ZIC1: variants seen among roughly 807,000 people sequenced by gnomAD.
The protein encoded by ZIC1 is zinc finger protein ZIC 1.
Under a neutral mutation model 30.9 loss-of-function variants are expected in ZIC1, and 4 were observed. The ratio of observed to expected loss-of-function variants is 0.13; its 90% CI spans 0.06 to 0.30. ZIC1 has a LOEUF of 0.30. ZIC1 is among the 10% of genes least tolerant of loss of function. The pLI, the probability that ZIC1 is intolerant of heterozygous loss-of-function variation, is 1.00. For missense variants in ZIC1, 441 were observed against 639.3 expected, an observed-to-expected ratio of 0.69 and a Z score of 3.34; for synonymous variants, 305 against 277.5, an observed-to-expected ratio of 1.10 and a Z score of -0.98.
chr3:147,411,432 C>G (rs1356018555), intron 1 of ZIC1, among the ~76,000 whole-genome samples: 2 of 152,170 alleles, frequency 1.3e-5, no homozygotes, highest in Non-Finnish European at 2.9e-5. Flanking sequence ...GCCGCGGAGG[C>G]GCCAGCTGCT....
chr3:147,411,495 C>A (rs1386953296), intron 1 of ZIC1, among the ~76,000 whole-genome samples: 1 of 152,132 alleles, frequency 6.6e-6, no homozygotes, highest in African/African-American at 2.4e-5. Context: ...TCTCTCCGTG[C>A]ACTTCACTGA....
In ZIC1 at chr3:147,413,508, G is replaced by T. The variant is rs1055075903; in HGVS notation, c.1301G>T (p.Gly434Val). 8 of 1,614,052 alleles carry T rather than the reference G, an allele frequency of 5.0e-6. No homozygotes were observed. The highest frequency in any genetic ancestry group is 5.9e-6 in the Non-Finnish European group (7 of 1,180,022). Residue 434 changes from glycine to valine, a missense_variant, in exon 3 of 3, where the codon GGC becomes GTC. Physicochemically the swap from Gly to Val is moderately radical, Grantham distance 109. Around this residue, in one of 5 missense-constraint regions of ZIC1, gnomAD observed 56 missense variants for 52.5 expected, o/e 1.07. Transcript: ENST00000282928. Reference sequence around the variant, plus strand: ...TCCTCCGCAGTCCACCACACAGCCGGCCACAGTGCGCTCTCTTCCAATTTT... The same window carrying T: ...TCCTCCGCAGTCCACCACACAGCCGTCCACAGTGCGCTCTCTTCCAATTTT... The part of the protein sequence containing the change: ...PSSSAVHHTA[G>V]HSALSSNFNE...
chr3:147,409,984 C>T lies in ZIC1; in HGVS notation c.-129C>T, dbSNP rs116328717. On this transcript the variant is annotated 5_prime_UTR_variant, in exon 1 of 3. Coordinates refer to ENST00000282928, the MANE Select transcript of ZIC1 (RefSeq NM_003412.4). ...AGGACTTCGCGAGGTGGGTCGACTC[C>T]CCCTCCCTCCTCCTCTTCTTCCTCC... 73,425 of 1,047,722 alleles carry T rather than the reference C, an allele frequency of 0.07. 3,011 individuals carry two copies. The highest frequency in any genetic ancestry group is 0.098 in the South Asian group (5,483 of 56,206). The allele number at this position is 1,047,722 out of a possible 1,614,324, so 64.9% of individuals were successfully genotyped here.
chr3:147,409,968 C>A lies in ZIC1; in HGVS notation c.-145C>A, dbSNP rs992422847. On this transcript the variant is annotated 5_prime_UTR_variant, in exon 1 of 3. Transcript: ENST00000282928. ...CCATTGCCTGCAGGCTAGGACTTCG[C>A]GAGGTGGGTCGACTCCCCCTCCCTC... 4 of 917,724 alleles carry A rather than the reference C, an allele frequency of 4.4e-6. No homozygotes were observed. The highest frequency in any genetic ancestry group is 6.8e-5 in the Admixed American group (2 of 29,520). 56.8% of individuals were successfully genotyped at this position (917,724 alleles called of 1,614,324 possible).
chr3:147,413,281 G>A (rs931102113), intron 2 of ZIC1, 73 bp from the exon 3 acceptor site: 2 of 1,523,288 alleles, frequency 1.3e-6, no homozygotes, highest in African/African-American at 1.4e-5. Context: ...AAGGGCACTC[G>A]CGGCCTTCGC....
chr3:147,413,813 G>C lies in ZIC1; in HGVS notation c.*262G>C, dbSNP rs924634595. On this transcript the variant is annotated 3_prime_UTR_variant, in exon 3 of 3. Transcript: ENST00000282928. The stretch of plus-strand genomic sequence containing the variant: ...GCGGTAGGGGGTCGAGGGGGAGGAG[G>C]CCACCTGACCAAATGCCGCCAACCC... 7.6e-5 allele frequency: 26 copies of C among 342,838 alleles called. No individual in the cohort carries two copies. In the East Asian group the frequency reaches 1.3e-3, roughly 18 times the overall value. 21.2% of individuals were successfully genotyped at this position (342,838 alleles called of 1,614,324 possible).
chr3:147,413,638 C>A lies in ZIC1; in HGVS notation c.*87C>A, dbSNP rs1371042898. On this transcript the variant is annotated 3_prime_UTR_variant, in exon 3 of 3. Transcript: ENST00000282928. ...ACATTACTGAAAGAACCCTGCGAAT[C>A]AAAACAACCCCCACACAGACCCCGC... is the stretch of plus-strand genomic sequence containing the variant. 1.0e-5 allele frequency: 15 copies of A among 1,473,798 alleles called. No homozygotes were observed. In the East Asian group the frequency reaches 3.6e-4, roughly 35 times the overall value. The allele number at this position is 1,473,798 out of a possible 1,614,324, so 91.3% of individuals were successfully genotyped here.
Position 147,409,413 on chromosome 3 carries a change from C to T in ZIC1, c.-700C>T, listed in dbSNP as rs1382373450. The T allele has an allele frequency of 6.5e-6, 1 of 152,676 alleles. No homozygotes were observed. Among genetic ancestry groups the T allele is most frequent in the African/African-American group, 2.4e-5 (1 of 41,444 alleles). The allele number at this position is 152,676 out of a possible 1,614,324, so 9.5% of individuals were successfully genotyped here. A position where few individuals can be genotyped will look rare whatever the true frequency, so the allele number is the denominator to read the frequency against. ...TTGCTGCTATCAGTCTCGCGCTCACCGCCCGGCTGAGGAGGTGAAAGTTTC... is the reference window on the plus strand; with the variant it reads ...TTGCTGCTATCAGTCTCGCGCTCACTGCCCGGCTGAGGAGGTGAAAGTTTC... On this transcript the variant is annotated 5_prime_UTR_variant, in exon 1 of 3. Transcript: ENST00000282928.
intron 1 of ZIC1, among the ~76,000 whole-genome samples, chr3:147,411,867 C>T (rs1280228446): frequency 6.6e-6 from 1 of 152,044 alleles, no homozygotes; most frequent in African/African-American, 2.4e-5. Flanking sequence ...GGGTTGTAGC[C>T]TGGCATCAGA....
At position 147,410,584 on chromosome 3, in the gene ZIC1, G is replaced by A. The variant is rs1488652699; in HGVS notation, c.472G>A (p.Val158Met). The A allele has an allele frequency of 2.5e-6, 4 of 1,612,998 alleles. No individual in the cohort carries two copies. The highest frequency in any genetic ancestry group is 4.5e-5 in the East Asian group (2 of 44,864). ...GGCTGCCGGCCACGCGTCGCCTAAC[G>A]TGGTCAACGGGCAGATGAGGCTCGG... ...EQAAGHASPN[V>M]VNGQMRLGFS... The change falls in exon 1 of 3, where the codon GTG (valine) becomes ATG (methionine). Residue 158 changes from valine (V) to methionine (M), a missense_variant. Coordinates refer to ENST00000282928, the MANE Select transcript of ZIC1 (RefSeq NM_003412.4).
rs2087412229 is a variant in ZIC1 at position 147,414,185 on chromosome 3, G to A, written c.*634G>A. The A allele has an allele frequency of 6.6e-6, 1 of 152,468 alleles. No individual in the cohort carries two copies. Among genetic ancestry groups the A allele is most frequent in the Non-Finnish European group, 1.5e-5 (1 of 68,014 alleles). The allele number at this position is 152,468 out of a possible 1,614,324, so 9.4% of individuals were successfully genotyped here. The stretch of plus-strand genomic sequence containing the variant: ...ACGTCGACCTAACCCAATATTATTG[G>A]TATTAATGTGCTTTTTTTGTATAAA... On this transcript the variant is annotated 3_prime_UTR_variant, in exon 3 of 3. Coordinates refer to ENST00000282928, the MANE Select transcript of ZIC1 (RefSeq NM_003412.4).
In ZIC1 at chr3:147,409,815, T is replaced by C; in HGVS notation, c.-298T>C. The C allele has an allele frequency of 2.2e-6, 1 of 445,790 alleles. No individual in the cohort carries two copies. 27.6% of individuals were successfully genotyped at this position (445,790 alleles called of 1,614,324 possible). A position where few individuals can be genotyped will look rare whatever the true frequency, so the allele number is the denominator to read the frequency against. ...GACGCGCGGCCCTCTCGGCAGAGACTGAGCGGCGAGAAAGTGCGAGCCGGG... is the reference window on the plus strand; with the variant it reads ...GACGCGCGGCCCTCTCGGCAGAGACCGAGCGGCGAGAAAGTGCGAGCCGGG... On this transcript the variant is annotated 5_prime_UTR_variant, in exon 1 of 3. An upstream open reading frame in the 5' UTR loses its in-frame stop. Transcript: ENST00000282928.
intron 1 of ZIC1, among the ~76,000 whole-genome samples, chr3:147,411,680 G>A (rs936171915): frequency 6.6e-6 from 1 of 152,162 alleles, no homozygotes; most frequent in African/African-American, 2.4e-5. Flanking sequence ...AGTAGTGACT[G>A]GTTTTAAGAG....
At position 147,410,665 on chromosome 3, in the gene ZIC1, C is replaced by A. The variant is rs368506577; in HGVS notation, c.553C>A (p.Arg185Ser). The A allele has an allele frequency of 1.9e-6, 3 of 1,613,734 alleles. No individual in the cohort carries two copies. The highest frequency in any genetic ancestry group is 2.7e-5 in the African/African-American group (2 of 74,938). The change falls in exon 1 of 3, where the codon CGT (arginine) becomes AGT (serine). Residue 185 changes from arginine (R) to serine (S), a missense_variant. By Grantham distance (110) the Arg-to-Ser change is moderately radical. Transcript: ENST00000282928. ...PEQYGQVTSP[R>S]SEHYAAPQLH... The stretch of plus-strand genomic sequence containing the variant: ...GCAGTACGGCCAGGTGACCAGCCCG[C>A]GTTCGGAGCACTATGCTGCGCCGCA...
intron 2 of ZIC1, among the ~76,000 whole-genome samples, chr3:147,412,947 A>G (rs2087395069): frequency 6.6e-6 from 1 of 152,228 alleles, no homozygotes; most frequent in Non-Finnish European, 1.5e-5. Flanking sequence ...AATTTGGCCC[A>G]GAGCTAGGGC....
chr3:147,415,138 A>T lies in ZIC1; in HGVS notation c.*1587A>T, dbSNP rs984717162. ...CTTATATTCTTCAAACATGATGCTA[A>T]TTTAAATTAATTACTTCCTATGATA... is the stretch of plus-strand genomic sequence containing the variant. On this transcript the variant is annotated 3_prime_UTR_variant, in exon 3 of 3. Coordinates refer to ENST00000282928, the MANE Select transcript of ZIC1 (RefSeq NM_003412.4). 2.6e-5 allele frequency: 4 copies of T among 152,664 alleles called. No individual in the cohort carries two copies. Among genetic ancestry groups the T allele is most frequent in the Non-Finnish European group, 5.9e-5 (4 of 68,044 alleles). The allele number at this position is 152,664 out of a possible 1,614,324, so 9.5% of individuals were successfully genotyped here.
Position 147,413,458 on chromosome 3 carries a change from G to T in ZIC1, c.1251G>T (p.Pro417=), listed in dbSNP as rs758948864. 2 of 1,614,014 alleles carry T rather than the reference G, an allele frequency of 1.2e-6. No individual in the cohort carries two copies. Among genetic ancestry groups the T allele is most frequent in the East Asian group, 4.5e-5 (2 of 44,866 alleles). The change falls in exon 3 of 3, where the codon CCG becomes CCT. Residue 417 remains proline (P), a synonymous_variant. Coordinates refer to ENST00000282928, the MANE Select transcript of ZIC1 (RefSeq NM_003412.4). The part of the protein sequence containing the change: ...PTIVSPSTDN[P]TTSSLSPSSS... ...TCGTGTCTCCCTCCACAGACAACCC[G>T]ACCACAAGCTCCTTATCGCCCTCCT...
rs2087403429 is a variant in ZIC1, at chr3:147,413,646, C to A, written c.*95C>A. 7.2e-7 allele frequency: 1 copy of A among 1,396,622 alleles called. No individual in the cohort carries two copies. The highest frequency in any genetic ancestry group is 9.7e-7 in the Non-Finnish European group (1 of 1,035,080). 86.5% of individuals were successfully genotyped at this position (1,396,622 alleles called of 1,614,324 possible). ...GAAAGAACCCTGCGAATCAAAACAA[C>A]CCCCACACAGACCCCGCAATCCTTT... On this transcript the variant is annotated 3_prime_UTR_variant, in exon 3 of 3. Coordinates refer to ENST00000282928, the MANE Select transcript of ZIC1 (RefSeq NM_003412.4).
At chr3:147,411,236 G>T (rs996493000) in intron 1 of ZIC1, 142 bp downstream of exon 1, 2 of 1,202,748 alleles carry the variant, frequency 1.7e-6, no homozygotes, top group Non-Finnish European at 2.3e-6. Context: ...GAAAGTGTGC[G>T]CTGATTTTTA....
Sources: gnomAD v4.1 joint callset for allele counts (sites outside exome capture counted in the v4.1 genomes callset) on GRCh38, gnomAD v4.1.1 for gene constraint, gnomAD v4.1.1 regional missense constraint, MANE v1.5 for transcripts, NCBI Gene and HGNC (gene_info 2026-07-23, HGNC 2026-07-21) for gene names.